Variants in RABGAP1 observed in about 807,000 individuals in gnomAD.
RABGAP1 encodes rab GTPase-activating protein 1.
RABGAP1 carries 23 observed loss-of-function variants against 137.6 expected under a neutral mutation model. The observed-to-expected ratio is 0.17, with a 90% CI of 0.12 to 0.24. The LOEUF (loss-of-function observed/expected upper bound fraction) is 0.24. Among genes scored for constraint, RABGAP1 ranks in the 10% least tolerant of loss-of-function variants. The pLI, the probability that RABGAP1 is intolerant of heterozygous loss-of-function variation, is 1.00. For synonymous variants in RABGAP1, 451 were observed against 450.7 expected (o/e 1.00, Z -0.01); for missense variants, 906 against 1,275.8 (o/e 0.71, Z 4.42).
intron 13 of RABGAP1, among the ~76,000 whole-genome samples, chr9:123,048,466 A>G (rs1038447772): frequency 6.6e-6 from 1 of 152,222 alleles, no homozygotes; most frequent in Non-Finnish European, 1.5e-5. Context: ...TGTTATTAGT[A>G]GGTGATTTTG....
intron 20 of RABGAP1, 84 bp from the exon 21 acceptor site, chr9:123,090,191 A>G: frequency 9.6e-7 from 1 of 1,038,862 alleles, no homozygotes. Flanking sequence ...GGACTTAGAA[A>G]TTTATTTTGA....
chr9:122,984,319 C>G (rs1836249091), intron 2 of RABGAP1, among the ~76,000 whole-genome samples, 166 bp from the exon 3 acceptor site: 1 of 152,092 alleles, frequency 6.6e-6, no homozygotes, highest in Admixed American at 6.6e-5. Flanking sequence ...CAGCTGCACC[C>G]TTATTTGTTG....
chr9:122,988,630 G>A (rs893531089), intron 4 of RABGAP1, among the ~76,000 whole-genome samples: 1 of 151,710 alleles, frequency 6.6e-6, no homozygotes, highest in Non-Finnish European at 1.5e-5. Context: ...AACAGATTAG[G>A]TCATTTTTAA....
intron 10 of RABGAP1, among the ~76,000 whole-genome samples, chr9:123,000,666 G>C (rs981618794): frequency 6.6e-6 from 1 of 151,980 alleles, no homozygotes; most frequent in African/African-American, 2.4e-5. Flanking sequence ...ATCATTTATA[G>C]CAATAGCCTT....
intron 19 of RABGAP1, among the ~76,000 whole-genome samples, chr9:123,079,431 G>A (rs890389309): frequency 2.6e-5 from 4 of 151,824 alleles, no homozygotes; most frequent in Non-Finnish European, 2.9e-5. Flanking sequence ...TAGAGACAGC[G>A]TTTCGCCATG....
intron 10 of RABGAP1, among the ~76,000 whole-genome samples, chr9:123,002,813 C>G (rs1442331569): frequency 6.6e-6 from 1 of 151,942 alleles, no homozygotes; most frequent in Non-Finnish European, 1.5e-5. Context: ...CAGCCAAAAA[C>G]ATACCTGAAA....
At chr9:122,937,253 G>A (rs1376179903), upstream of RABGAP1, among the ~76,000 whole-genome samples, 2 of 152,252 alleles carry the variant, frequency 1.3e-5, no homozygotes, top group Non-Finnish European at 2.9e-5. Flanking sequence ...CAAGATAGAT[G>A]TCTGAGTTAA....
At chr9:123,010,649 T>C (rs2131878935) in intron 11 of RABGAP1, 121 bp downstream of exon 11, 3 of 988,678 alleles carry the variant, frequency 3.0e-6, no homozygotes, top group South Asian at 3.8e-5. Context: ...GAATTCCTTA[T>C]GAGAGTTTAC....
At chr9:123,089,360 G>A (rs1366823345) in intron 19 of RABGAP1, among the ~76,000 whole-genome samples, 1 of 152,120 alleles carries the variant, frequency 6.6e-6, no homozygotes. Flanking sequence ...TATAAGATGA[G>A]GATGAGAATA....
Position 123,104,018 on chromosome 9 carries a change from T to C in RABGAP1, c.*805T>C, listed in dbSNP as rs981267507. ...GTGTATGTATATATATATATAAATA[T>C]CTTTCCCAATATGCCCCGTTGACAG... On this transcript the variant is annotated 3_prime_UTR_variant, in exon 26 of 26. Coordinates refer to ENST00000373647, the MANE Select transcript of RABGAP1 (RefSeq NM_012197.4). The C allele has an allele frequency of 6.6e-6, 1 of 151,700 alleles. No individual in the cohort carries two copies. Among genetic ancestry groups the C allele is most frequent in the African/African-American group, 2.4e-5 (1 of 41,146 alleles). 9.4% of individuals were successfully genotyped at this position (151,700 alleles called of 1,614,324 possible).
chr9:122,967,671 A>G (rs112050790), intron 2 of RABGAP1, among the ~76,000 whole-genome samples: 1 of 152,108 alleles, frequency 6.6e-6, no homozygotes, highest in African/African-American at 2.4e-5. Flanking sequence ...TTTATAGTAC[A>G]TGGGGGGAAC....
intron 10 of RABGAP1, among the ~76,000 whole-genome samples, chr9:123,003,371 A>G (rs1225231399): frequency 1.3e-5 from 2 of 152,212 alleles, no homozygotes; most frequent in South Asian, 2.1e-4. Context: ...AGTCTCTGCC[A>G]GGACACTCTC....
rs767415105 is a variant in RABGAP1 at position 123,078,508 on chromosome 9, G to A, written c.2424+1746G>A. On this transcript the variant is annotated intron_variant, in intron 19 of 25. Coordinates refer to ENST00000373647, the MANE Select transcript of RABGAP1 (RefSeq NM_012197.4). ...TAATTATTTCCTCCCTGATCGTTAA[G>A]TAGATAACAAACATTTTACAGTAAT... Among the ~76,000 whole-genome samples, 32 of 152,188 alleles carry A rather than the reference G, an allele frequency of 2.1e-4. 1 individual carries two copies. The highest frequency in any genetic ancestry group is 4.4e-4 in the Non-Finnish European group (30 of 68,040).
At chr9:123,060,250 T>C (rs2033915522) in intron 13 of RABGAP1, among the ~76,000 whole-genome samples, 1 of 152,260 alleles carries the variant, frequency 6.6e-6, no homozygotes, top group Non-Finnish European at 1.5e-5. Context: ...ATATAAACAT[T>C]TCTGTCATCT....
intron 1 of RABGAP1, among the ~76,000 whole-genome samples, chr9:122,953,181 C>T (rs1251536050): frequency 2.6e-5 from 4 of 152,126 alleles, no homozygotes; most frequent in African/African-American, 9.7e-5. Flanking sequence ...ATTTGGATTA[C>T]TTAAATCAGT....
chr9:122,972,379 T>G (rs546336259), intron 2 of RABGAP1, among the ~76,000 whole-genome samples: 1 of 152,356 alleles, frequency 6.6e-6, no homozygotes, highest in South Asian at 2.1e-4. Flanking sequence ...TTGCCAATCT[T>G]GCGCTCATAC....
intron 16 of RABGAP1, among the ~76,000 whole-genome samples, chr9:123,074,004 A>G (rs2034438652): frequency 6.6e-6 from 1 of 152,202 alleles, no homozygotes; most frequent in African/African-American, 2.4e-5. Context: ...AAGTGAAACA[A>G]ACTTTCCCAA....
intron 12 of RABGAP1, among the ~76,000 whole-genome samples, chr9:123,019,968 G>C (rs2031511353): frequency 6.6e-6 from 1 of 151,924 alleles, no homozygotes; most frequent in South Asian, 2.1e-4. Flanking sequence ...ACAGGCGTGA[G>C]CCACCGCGCC....
chr9:122,999,446 C>T (rs144432622), intron 10 of RABGAP1, among the ~76,000 whole-genome samples: 134 of 152,186 alleles, frequency 8.8e-4, no homozygotes, highest in African/African-American at 3.2e-3. Flanking sequence ...CCACCTCAGC[C>T]TCCCAAAGTC....
Sources: allele counts gnomAD v4.1 joint callset (sites outside exome capture counted in the v4.1 genomes callset), GRCh38; gene constraint gnomAD v4.1.1; transcripts MANE v1.5; gene names NCBI Gene and HGNC (gene_info 2026-07-23, HGNC 2026-07-21).